The following ARHGAP21 variants were observed in gnomAD, a reference collection of about 807,000 sequenced individuals.
ARHGAP21 encodes rho GTPase-activating protein 21.
In ARHGAP21, 38 loss-of-function variants were observed where a neutral mutation model predicts 164.6. That is an observed-to-expected ratio of 0.23 (90% CI 0.18 to 0.30). ARHGAP21 has a LOEUF of 0.30. Ranked by LOEUF, ARHGAP21 falls within the 10% of genes least tolerant of loss-of-function variation. ARHGAP21 has a pLI of 1.00. For missense variants in ARHGAP21, 1,822 were observed against 2,370.7 expected (o/e 0.77, Z 4.81); for synonymous variants, 766 against 857.9 (o/e 0.89, Z 1.87).
chr10:24,696,443 G>T (rs1014026791), intron 2 of ARHGAP21, among the ~76,000 whole-genome samples: 19 of 152,184 alleles, frequency 1.2e-4, no homozygotes, highest in Admixed American at 1.2e-3. Context: ...GCCCGTTTTC[G>T]CCAATGAGTG....
At position 24,597,954 on chromosome 10, in the gene ARHGAP21, T is replaced by C; in HGVS notation, c.3188A>G (p.Asn1063Ser). Reference sequence around the variant, plus strand: ...AAGGTGGGATTCTCACCTCATCAGATTGTTGTATTCTTTTATTCTTCGACT... The same window carrying C: ...AAGGTGGGATTCTCACCTCATCAGACTGTTGTATTCTTTTATTCTTCGACT... The part of the protein sequence containing the change: ...LISRRIKEYN[N>S]LMSKAEQLPK... Residue 1063 changes from asparagine to serine, a missense_variant, in exon 15 of 26, where the codon AAT becomes AGT. This residue lies in a region of ARHGAP21 where 1,090 missense variants were observed against 1,378.9 expected (regional missense o/e 0.79). Coordinates refer to ENST00000396432, the MANE Select transcript of ARHGAP21 (RefSeq NM_020824.4). The C allele has an allele frequency of 1.2e-6, 2 of 1,613,398 alleles. No homozygotes were observed. The highest frequency in any genetic ancestry group is 1.3e-5 in the African/African-American group (1 of 75,042).
chr10:24,648,560 A>C (rs1009287875), intron 4 of ARHGAP21, among the ~76,000 whole-genome samples: 2 of 152,106 alleles, frequency 1.3e-5, no homozygotes, highest in Non-Finnish European at 2.9e-5. Flanking sequence ...TGGGTGGATC[A>C]CCTTGAGGTC....
chr10:24,683,109 A>G (rs1841930549), intron 2 of ARHGAP21, among the ~76,000 whole-genome samples: 1 of 151,916 alleles, frequency 6.6e-6, no homozygotes, highest in African/African-American at 2.4e-5. Context: ...AAAAAAAAAA[A>G]AAAAAAGATG....
intron 3 of ARHGAP21, among the ~76,000 whole-genome samples, chr10:24,667,360 T>A (rs1840297112): frequency 6.6e-6 from 1 of 152,208 alleles, no homozygotes; most frequent in Non-Finnish European, 1.5e-5. Flanking sequence ...CAAGTGAAGT[T>A]GTCAAGTAGG....
chr10:24,635,722 GT>G (rs1565069058), intron 4 of ARHGAP21, among the ~76,000 whole-genome samples: 1 of 151,892 alleles, frequency 6.6e-6, no homozygotes, highest in Non-Finnish European at 1.5e-5. Context: ...ATTTTTGTAT[GT>G]TTTAGTAGAG....
chr10:24,611,579 T>G (rs539159346), intron 9 of ARHGAP21, among the ~76,000 whole-genome samples: 14 of 151,890 alleles, frequency 9.2e-5, no homozygotes, highest in Non-Finnish European at 1.9e-4. Context: ...TGGCACACAC[T>G]GGTAATCCCA....
chr10:24,676,171 A>C (rs1372533109), intron 2 of ARHGAP21, among the ~76,000 whole-genome samples: 2 of 152,224 alleles, frequency 1.3e-5, no homozygotes, highest in East Asian at 3.8e-4. Context: ...AAAAAACCCT[A>C]AAAAGTAAAA....
chr10:24,592,056 A>C, intron 21 of ARHGAP21, 44 bp from the exon 22 acceptor site: 1 of 1,477,972 alleles, frequency 6.8e-7, no homozygotes, highest in South Asian at 1.6e-5. Context: ...ATTTTTCTTA[A>C]GGAAGTAGGC....
intron 2 of ARHGAP21, among the ~76,000 whole-genome samples, chr10:24,690,705 G>A (rs529502317): frequency 5.3e-5 from 8 of 152,010 alleles, no homozygotes; most frequent in East Asian, 1.9e-4. Context: ...GCATGTGCCT[G>A]TAGTTCCAGC....
In ARHGAP21 at chr10:24,619,938, T is replaced by G; in HGVS notation, c.1957A>C (p.Asn653His). 6 of 1,614,108 alleles carry G rather than the reference T, an allele frequency of 3.7e-6. No individual in the cohort carries two copies. Among genetic ancestry groups the G allele is most frequent in the Non-Finnish European group, 5.1e-6 (6 of 1,179,996 alleles). The stretch of plus-strand genomic sequence containing the variant: ...AACAGACTGTTCTGATGCAAGTGAT[T>G]TACTGGTCTTTGGTCTTTGATAGAA... ...FVSIKDQRPV[N>H]HLHQNSLLNQ... The change falls in exon 9 of 26, where the codon AAT becomes CAT. Residue 653 changes from asparagine (N) to histidine (H), a missense_variant. This residue lies in a region of ARHGAP21 where 1,090 missense variants were observed against 1,378.9 expected (regional missense o/e 0.79). Transcript: ENST00000396432.
chr10:24,653,949 T>C (rs528934591), intron 4 of ARHGAP21, among the ~76,000 whole-genome samples: 2 of 151,980 alleles, frequency 1.3e-5, no homozygotes, highest in African/African-American at 2.4e-5. Flanking sequence ...ACCTACATAA[T>C]GGAGGAAAAT....
chr10:24,676,352 C>T (rs1447081428), intron 2 of ARHGAP21, among the ~76,000 whole-genome samples: 1 of 152,218 alleles, frequency 6.6e-6, no homozygotes, highest in Non-Finnish European at 1.5e-5. Context: ...TACTGCATTA[C>T]TGCATGCTGC....
chr10:24,697,654 C>T (rs184655076), intron 2 of ARHGAP21, among the ~76,000 whole-genome samples: 10 of 152,012 alleles, frequency 6.6e-5, no homozygotes, highest in South Asian at 4.2e-4. Flanking sequence ...GTCAGGAGTT[C>T]GAGACCAGCC....
chr10:24,711,488 T>A (rs1844811006), intron 2 of ARHGAP21, among the ~76,000 whole-genome samples: 1 of 152,206 alleles, frequency 6.6e-6, no homozygotes, highest in Admixed American at 6.6e-5. Flanking sequence ...GTAAAATCCT[T>A]TAGAAAACTC....
At chr10:24,625,050 T>TGGGGGGG (rs57313842) in intron 7 of ARHGAP21, among the ~76,000 whole-genome samples, 1 of 774 alleles carries the variant, frequency 1.3e-3, no homozygotes, top group African/African-American at 3.9e-3. Flanking sequence ...CTCTAAAAAG[T>TGGGGGGG]GGGGGGGGGG....
rs558663379 is a variant in ARHGAP21 at position 24,669,724 on chromosome 10, T to C, written c.243+494A>G. 1.9e-4 allele frequency among the ~76,000 whole-genome samples: 29 copies of C among 152,322 alleles called. 1 individual carries two copies. In the East Asian group the frequency reaches 2.1e-3, roughly 11 times the overall value. On this transcript the variant is annotated intron_variant, in intron 3 of 25. Transcript: ENST00000396432. Reference sequence around the variant, plus strand: ...CTCAGGCTGTCCTTTTCAGGCTGTGTTACTGTCCACTGAAGCCTGTCGATG... The same window carrying C: ...CTCAGGCTGTCCTTTTCAGGCTGTGCTACTGTCCACTGAAGCCTGTCGATG...
intron 6 of ARHGAP21, among the ~76,000 whole-genome samples, chr10:24,632,188 T>G (rs1349253087): frequency 1.3e-5 from 2 of 152,228 alleles, no homozygotes; most frequent in African/African-American, 2.4e-5. Flanking sequence ...GTTGAAGTGT[T>G]ATTATTCTGA....
chr10:24,708,485 G>A (rs1844454896), intron 2 of ARHGAP21, among the ~76,000 whole-genome samples: 1 of 152,126 alleles, frequency 6.6e-6, no homozygotes, highest in African/African-American at 2.4e-5. Flanking sequence ...TATCTGCATA[G>A]ATAGTGTAGT....
intron 2 of ARHGAP21, among the ~76,000 whole-genome samples, chr10:24,719,557 A>G (rs2132333910): frequency 6.6e-6 from 1 of 152,324 alleles, no homozygotes; most frequent in Non-Finnish European, 1.5e-5. Flanking sequence ...TAACAGCATT[A>G]CTATTAAGAC....
Sources: allele counts gnomAD v4.1 joint callset (sites outside exome capture counted in the v4.1 genomes callset), GRCh38; gene constraint gnomAD v4.1.1; regional missense constraint gnomAD v4.1.1; transcripts MANE v1.5; gene names NCBI Gene and HGNC (gene_info 2026-07-23, HGNC 2026-07-21).